Variants in C1orf87 observed in about 807,000 individuals in gnomAD.
C1orf87 encodes the protein uncharacterized protein C1orf87.
C1orf87 carries 58 observed loss-of-function variants against 60.5 expected under a neutral mutation model. The ratio of observed to expected loss-of-function variants is 0.96; its 90% CI spans 0.78 to 1.19. The LOEUF (loss-of-function observed/expected upper bound fraction) is 1.19, where lower values mean the gene tolerates loss of function less well. Among genes scored for constraint, C1orf87 ranks in the 50% most tolerant of loss-of-function variants. The pLI, the probability that C1orf87 is intolerant of heterozygous loss-of-function variation, is 0.00. For synonymous variants in C1orf87, 236 were observed against 227.4 expected (o/e 1.04, Z -0.34); for missense variants, 673 against 638.6 (o/e 1.05, Z -0.58).
At chr1:60,018,286 C>T (rs1645137361) in intron 8 of C1orf87, among the ~76,000 whole-genome samples, 1 of 152,138 alleles carries the variant, frequency 6.6e-6, no homozygotes, top group South Asian at 2.1e-4. Flanking sequence ...AGGGATGAAA[C>T]AGGTATATTT....
intron 3 of C1orf87, among the ~76,000 whole-genome samples, chr1:60,052,258 G>T (rs1645419872): frequency 6.6e-6 from 1 of 152,222 alleles, no homozygotes; most frequent in South Asian, 2.1e-4. Context: ...TACTGAGTTT[G>T]TTGCTAGTCA....
Position 60,072,489 on chromosome 1 carries a change from C to T in C1orf87, c.107+48G>A, listed in dbSNP as rs375172443. ...TCTGGGTGAAAACAAAACAATAAAA[C>T]TTCATTATCATCCAAGCAACATAGA... On this transcript the variant is annotated intron_variant, in intron 2 of 11. Transcript: ENST00000371201. 7.3e-5 allele frequency: 103 copies of T among 1,410,672 alleles called. No individual in the cohort carries two copies. In the African/African-American group the frequency reaches 1.4e-3, roughly 19 times the overall value. The allele number at this position is 1,410,672 out of a possible 1,614,324, so 87.4% of individuals were successfully genotyped here.
intron 11 of C1orf87, among the ~76,000 whole-genome samples, chr1:59,996,700 T>G (rs1644965644): frequency 6.6e-6 from 1 of 152,194 alleles, no homozygotes; most frequent in Admixed American, 6.5e-5. Context: ...ATGATCAATT[T>G]AACATTAACA....
chr1:60,068,512 C>G (rs1645563582), intron 2 of C1orf87, among the ~76,000 whole-genome samples: 1 of 152,178 alleles, frequency 6.6e-6, no homozygotes, highest in Non-Finnish European at 1.5e-5. Flanking sequence ...TCCATCACCA[C>G]TTTGTTGGTG....
At chr1:60,050,460 AC>A (rs1645406299) in intron 3 of C1orf87, among the ~76,000 whole-genome samples, 1 of 150,612 alleles carries the variant, frequency 6.6e-6, no homozygotes, top group East Asian at 1.9e-4. Context: ...ATTTTTGTTG[AC>A]ATATATGAAG....
At chr1:60,057,557 G>T (rs1039746902) in intron 2 of C1orf87, among the ~76,000 whole-genome samples, 6 of 152,182 alleles carry the variant, frequency 3.9e-5, no homozygotes, top group Admixed American at 1.3e-4. Context: ...GATGATATAA[G>T]ATGAACCTTG....
At position 60,019,734 on chromosome 1, in the gene C1orf87, C is replaced by T. The variant is rs1009241932; in HGVS notation, c.1127+5667G>A. On this transcript the variant is annotated intron_variant, in intron 8 of 11. Transcript: ENST00000371201. The stretch of plus-strand genomic sequence containing the variant: ...AATGGAGTAAAGGTCACTCTTTCTA[C>T]GCTTCAGCAAAGAGAATGGCAGCAT... Among the ~76,000 whole-genome samples, 24 of 152,256 alleles carry T rather than the reference C, an allele frequency of 1.6e-4. 1 individual carries two copies. The highest frequency in any genetic ancestry group is 8.5e-4 in the Admixed American group (13 of 15,284).
intron 2 of C1orf87, among the ~76,000 whole-genome samples, chr1:60,068,138 G>A (rs999620971): frequency 1.3e-5 from 2 of 152,072 alleles, no homozygotes; most frequent in African/African-American, 4.8e-5. Context: ...CTAAAATGTG[G>A]CATCCAGAAT....
In C1orf87 at chr1:60,046,484, C is replaced by T. The variant is rs1362443809; in HGVS notation, c.343-5353G>A. 2.2e-5 allele frequency among the ~76,000 whole-genome samples: 3 copies of T among 136,786 alleles called. No individual in the cohort carries two copies. The East Asian group carries it at 6.4e-4, about 29-fold the overall frequency. The allele number at this position is 136,786 out of a possible 152,430, so 89.7% of individuals were successfully genotyped here. On this transcript the variant is annotated intron_variant, in intron 3 of 11. Transcript: ENST00000371201. ...TAATTTTTTCTGTTACCCAGGCTAG[C>T]GTGCAGAGTAGCACAGCCATTATTC...
intron 7 of C1orf87, among the ~76,000 whole-genome samples, chr1:60,032,437 T>TTTTTC (rs1645245519): frequency 7.0e-6 from 1 of 142,176 alleles, no homozygotes; most frequent in South Asian, 2.4e-4. Flanking sequence ...CTCAGGTTTT[T>TTTTTC]TTTTTTTTTT....
At chr1:60,028,366 T>G (rs1215161858) in intron 7 of C1orf87, among the ~76,000 whole-genome samples, 1 of 152,168 alleles carries the variant, frequency 6.6e-6, no homozygotes, top group East Asian at 1.9e-4. Context: ...GGATAGCTGC[T>G]AAGAACTGAC....
rs1005197758 is a variant in C1orf87 at position 59,990,549 on chromosome 1, C to A, written c.*124G>T. On this transcript the variant is annotated 3_prime_UTR_variant, in exon 12 of 12. Coordinates refer to ENST00000371201, the MANE Select transcript of C1orf87 (RefSeq NM_152377.3). ...ACTAAGTCCAAATCAAAAGCATCTA[C>A]AATAGCTGCATCGGCCTCCACTCTG... 5 of 1,171,816 alleles carry A rather than the reference C, an allele frequency of 4.3e-6. No individual in the cohort carries two copies. The highest frequency in any genetic ancestry group is 2.9e-4 in the Middle Eastern group (1 of 3,392). 72.6% of individuals were successfully genotyped at this position (1,171,816 alleles called of 1,614,324 possible).
chr1:60,066,431 C>A (rs139207419), intron 2 of C1orf87, among the ~76,000 whole-genome samples: 45 of 152,270 alleles, frequency 3.0e-4, no homozygotes, highest in Middle Eastern at 3.4e-3. Context: ...TCTCAAAAAA[C>A]CACTTTCTTT....
chr1:60,049,305 G>A (rs1053068567), intron 3 of C1orf87, among the ~76,000 whole-genome samples: 4 of 151,948 alleles, frequency 2.6e-5, no homozygotes, highest in South Asian at 4.1e-4. Flanking sequence ...TTTTGCTAAT[G>A]AGAAATTATA....
At chr1:60,019,807 G>A (rs550353783) in intron 8 of C1orf87, among the ~76,000 whole-genome samples, 58 of 152,286 alleles carry the variant, frequency 3.8e-4, no homozygotes, top group African/African-American at 1.3e-3. Context: ...TGAGAGAGAT[G>A]ATTTAGGGTA....
chr1:60,072,456 T>C (rs1645590359), intron 2 of C1orf87, 81 bp downstream of exon 2: 1 of 1,155,774 alleles, frequency 8.7e-7, no homozygotes, highest in Admixed American at 2.4e-5. Context: ...ATTTTTTAAG[T>C]TTAAATTTCT....
At chr1:60,008,909 T>A in intron 9 of C1orf87, 1 of 287,680 alleles carries the variant, frequency 3.5e-6, no homozygotes, top group East Asian at 1.0e-4. Context: ...CCTAGAACCA[T>A]CTGTGTGGTG....
At chr1:60,022,191 T>C (rs1335640419) in intron 8 of C1orf87, among the ~76,000 whole-genome samples, 1 of 151,802 alleles carries the variant, frequency 6.6e-6, no homozygotes, top group East Asian at 1.9e-4. Context: ...CAAACACTTT[T>C]AGGTTTTTTA....
chr1:60,073,277 A>G (rs1358806387), intron 1 of C1orf87, among the ~76,000 whole-genome samples: 2 of 152,210 alleles, frequency 1.3e-5, no homozygotes, highest in East Asian at 3.9e-4. Flanking sequence ...GTGTTTAAAC[A>G]GAGTGATGCC....
Sources: gnomAD v4.1 joint callset for allele counts (sites outside exome capture counted in the v4.1 genomes callset) on GRCh38, gnomAD v4.1.1 for gene constraint, MANE v1.5 for transcripts, NCBI Gene and HGNC (gene_info 2026-07-23, HGNC 2026-07-21) for gene names.